Variants in SNRPD1 observed in about 807,000 individuals in gnomAD.
SNRPD1 encodes the protein small nuclear ribonucleoprotein Sm D1.
A neutral mutation model predicts 14.4 loss-of-function variants in SNRPD1; 1 was observed. That is an observed-to-expected ratio of 0.07 (90% CI 0.02 to 0.33). SNRPD1 has a LOEUF of 0.33. Among genes scored for constraint, SNRPD1 ranks in the 10% least tolerant of loss-of-function variants. The probability of loss-of-function intolerance (pLI) is 1.00; values close to 1 mark genes in which losing one functional copy is unlikely to be tolerated. For missense variants in SNRPD1, 52 were observed against 146.4 expected, an observed-to-expected ratio of 0.36 and a Z score of 3.33; for synonymous variants, 42 against 50.3, an observed-to-expected ratio of 0.83 and a Z score of 0.70.
At chr18:21,615,944 TG>T (rs1351148138) in intron 1 of SNRPD1, among the ~76,000 whole-genome samples, 3 of 152,160 alleles carry the variant, frequency 2.0e-5, no homozygotes, top group Non-Finnish European at 2.9e-5. Flanking sequence ...GCCATTTTAG[TG>T]GGTATGTAGT....
At chr18:21,621,099 C>A (rs1350103220) in intron 1 of SNRPD1, among the ~76,000 whole-genome samples, 1 of 151,698 alleles carries the variant, frequency 6.6e-6, no homozygotes, top group African/African-American at 2.4e-5. Context: ...ACCTAGGAGG[C>A]GGAGGTTGCA....
chr18:21,617,732 G>T (rs1454970812), intron 1 of SNRPD1, among the ~76,000 whole-genome samples: 6 of 152,132 alleles, frequency 3.9e-5, no homozygotes, highest in African/African-American at 1.4e-4. Context: ...GCCAGGCGTG[G>T]TGGTTCATGC....
In SNRPD1 at chr18:21,632,192, G is replaced by A. The variant is rs560129268; in HGVS notation, c.*3054G>A. The A allele has an allele frequency of 2.6e-5, 4 of 152,262 alleles. No homozygotes were observed. Among genetic ancestry groups the A allele is most frequent in the Admixed American group, 1.3e-4 (2 of 15,262 alleles). The allele number at this position is 152,262 out of a possible 1,614,324, so 9.4% of individuals were successfully genotyped here. ...AAATTACGTTTTGTCCTGGCATGGT[G>A]GCTCATGCCTGTGACCTCAGCACTT... On this transcript the variant is annotated 3_prime_UTR_variant, in exon 4 of 4. Coordinates refer to ENST00000300413, the MANE Select transcript of SNRPD1 (RefSeq NM_006938.4).
rs2146265518 is a variant in SNRPD1, at chr18:21,633,387, CT to C, written c.*4250del. On this transcript the variant is annotated 3_prime_UTR_variant, in exon 4 of 4. Coordinates refer to ENST00000300413, the MANE Select transcript of SNRPD1 (RefSeq NM_006938.4). Reference sequence around the variant, plus strand: ...CCTGAAGACTTAACCTAGAAAATAACTCCATAACAAGAAGAATCTCTGTCAT... The same window carrying C: ...CCTGAAGACTTAACCTAGAAAATAACCCATAACAAGAAGAATCTCTGTCAT... 1 of 152,196 alleles carries C rather than the reference CT, an allele frequency of 6.6e-6. No homozygotes were observed. Among genetic ancestry groups the C allele is most frequent in the Admixed American group, 6.5e-5 (1 of 15,286 alleles). The allele number at this position is 152,196 out of a possible 1,614,324, so 9.4% of individuals were successfully genotyped here.
Position 21,612,406 on chromosome 18 carries a change from C to A in SNRPD1, c.-24C>A. On this transcript the variant is annotated 5_prime_UTR_variant, in exon 1 of 4. Coordinates refer to ENST00000300413, the MANE Select transcript of SNRPD1 (RefSeq NM_006938.4). ...TGAAGGATTCTGTGTGCTGTCGGAC[C>A]CAGAGGGTGACGGCGCCGCTAGGAT... is the stretch of plus-strand genomic sequence containing the variant. The A allele has an allele frequency of 6.5e-7, 1 of 1,549,262 alleles. No individual in the cohort carries two copies. The highest frequency in any genetic ancestry group is 1.2e-5 in the South Asian group (1 of 84,692).
At chr18:21,615,124 A>C (rs1008961178) in intron 1 of SNRPD1, among the ~76,000 whole-genome samples, 3 of 152,202 alleles carry the variant, frequency 2.0e-5, no homozygotes, top group Admixed American at 2.0e-4. Context: ...CTCTGGCTCC[A>C]TACCCCTAGA....
rs1192639095 is a variant in SNRPD1, at chr18:21,632,825, TTTTTCTTTTCTTTTC to T, written c.*3707_*3721del. On this transcript the variant is annotated 3_prime_UTR_variant, in exon 4 of 4. Transcript: ENST00000300413. The stretch of plus-strand genomic sequence containing the variant: ...AGATGTTACATATGAACTTTAGTTT[TTTTTCTTTTCTTTTC>T]TTTTCTTTTCTTTTCTTTTTTTTTT... 1.3e-4 allele frequency: 19 copies of T among 150,688 alleles called. No individual in the cohort carries two copies. The highest frequency in any genetic ancestry group is 4.0e-4 in the African/African-American group (16 of 39,560). The allele number at this position is 150,688 out of a possible 1,614,324, so 9.3% of individuals were successfully genotyped here. A position where few individuals can be genotyped will look rare whatever the true frequency, so the allele number is the denominator to read the frequency against.
At chr18:21,628,033 C>T (rs550976343) in intron 3 of SNRPD1, among the ~76,000 whole-genome samples, 1 of 152,242 alleles carries the variant, frequency 6.6e-6, no homozygotes, top group South Asian at 2.1e-4. Context: ...TAATTAGCAT[C>T]TTAAACTTAC....
At chr18:21,622,695 A>G (rs1317032527) in intron 1 of SNRPD1, 30 bp from the exon 2 acceptor site, 1 of 1,014,880 alleles carries the variant, frequency 9.9e-7, no homozygotes, top group South Asian at 1.3e-5. Flanking sequence ...AAAGTGTTAC[A>G]GGTAAAAATG....
At chr18:21,626,391 C>T (rs2039038900) in intron 3 of SNRPD1, among the ~76,000 whole-genome samples, 1 of 110,862 alleles carries the variant, frequency 9.0e-6, no homozygotes, top group East Asian at 2.4e-4. Context: ...AAAACCCTGT[C>T]GCCAAAAAAA....
At chr18:21,620,196 C>T (rs943765071) in intron 1 of SNRPD1, among the ~76,000 whole-genome samples, 5 of 152,112 alleles carry the variant, frequency 3.3e-5, no homozygotes, top group Non-Finnish European at 2.9e-5. Flanking sequence ...CATTGTGACC[C>T]GCCCACCTTG....
At chr18:21,612,958 C>T (rs2038930293) in intron 1 of SNRPD1, among the ~76,000 whole-genome samples, 1 of 152,192 alleles carries the variant, frequency 6.6e-6, no homozygotes, top group Non-Finnish European at 1.5e-5. Context: ...CCGCCTCGCC[C>T]TTCCAAAGGG....
chr18:21,622,125 C>T (rs1017063641), intron 1 of SNRPD1, among the ~76,000 whole-genome samples: 3 of 151,536 alleles, frequency 2.0e-5, no homozygotes, highest in East Asian at 3.9e-4. Flanking sequence ...ATCTTTTTAC[C>T]GACTGTAATT....
intron 1 of SNRPD1, among the ~76,000 whole-genome samples, chr18:21,615,452 C>T (rs906621389): frequency 6.6e-6 from 1 of 152,002 alleles, no homozygotes; most frequent in Non-Finnish European, 1.5e-5. Flanking sequence ...CCCATCTCTA[C>T]TAAAAATACC....
rs576703976 is a variant in SNRPD1, at chr18:21,622,866, T to C, written c.91+65T>C. ...CTCTTTTACCTAGCCAGAGTTTATT[T>C]TTTTATTGCTTAATGAACATTATTG... is the stretch of plus-strand genomic sequence containing the variant. On this transcript the variant is annotated intron_variant, in intron 2 of 3. Coordinates refer to ENST00000300413, the MANE Select transcript of SNRPD1 (RefSeq NM_006938.4). 126 of 765,738 alleles carry C rather than the reference T, an allele frequency of 1.6e-4. 1 individual carries two copies. In the East Asian group the frequency reaches 3.1e-3, roughly 19 times the overall value. 47.4% of individuals were successfully genotyped at this position (765,738 alleles called of 1,614,324 possible). A position where few individuals can be genotyped will look rare whatever the true frequency, so the allele number is the denominator to read the frequency against.
intron 2 of SNRPD1, among the ~76,000 whole-genome samples, chr18:21,623,107 A>G (rs747960744): frequency 2.8e-4 from 42 of 149,318 alleles, no homozygotes; most frequent in Non-Finnish European, 5.3e-4. Context: ...TTTTTTTTAG[A>G]CGGATTCTCA....
rs1045356893 is a variant in SNRPD1, at chr18:21,633,041, G to A, written c.*3903G>A. 6.6e-6 allele frequency: 1 copy of A among 151,896 alleles called. No homozygotes were observed. Among genetic ancestry groups the A allele is most frequent in the Non-Finnish European group, 1.5e-5 (1 of 68,024 alleles). The allele number at this position is 151,896 out of a possible 1,614,324, so 9.4% of individuals were successfully genotyped here. ...AATGTTTTGTACTTTTAGTAGAGACGGGGTTTCACTGTGTTAGCCAGGATG... is the reference window on the plus strand; with the variant it reads ...AATGTTTTGTACTTTTAGTAGAGACAGGGTTTCACTGTGTTAGCCAGGATG... On this transcript the variant is annotated 3_prime_UTR_variant, in exon 4 of 4. Coordinates refer to ENST00000300413, the MANE Select transcript of SNRPD1 (RefSeq NM_006938.4).
In SNRPD1 at chr18:21,629,280, A is replaced by T; in HGVS notation, c.*142A>T. On this transcript the variant is annotated 3_prime_UTR_variant, in exon 4 of 4. Transcript: ENST00000300413. ...TCAAAGTTTTAGTAGTTTCCTCCAC[A>T]TTCACGAAATTACCACAGTGAGAGC... 1.6e-6 allele frequency: 1 copy of T among 629,486 alleles called. No homozygotes were observed. The highest frequency in any genetic ancestry group is 2.5e-5 in the East Asian group (1 of 39,360). The allele number at this position is 629,486 out of a possible 1,614,324, so 39.0% of individuals were successfully genotyped here.
intron 1 of SNRPD1, among the ~76,000 whole-genome samples, chr18:21,614,281 A>C (rs989541127): frequency 6.6e-5 from 10 of 152,134 alleles, no homozygotes; most frequent in Non-Finnish European, 2.9e-5. Context: ...AAAGAAAATT[A>C]CATTTTTTGA....
Sources: gnomAD v4.1 joint callset for allele counts (sites outside exome capture counted in the v4.1 genomes callset) on GRCh38, gnomAD v4.1.1 for gene constraint, MANE v1.5 for transcripts, NCBI Gene and HGNC (gene_info 2026-07-23, HGNC 2026-07-21) for gene names.